Variants in GK5 observed in about 807,000 individuals in gnomAD.
GK5 encodes the protein ATP:glycerol 3-phosphotransferase 5.
Under a neutral mutation model 77.3 loss-of-function variants are expected in GK5, and 39 were observed. The ratio of observed to expected loss-of-function variants is 0.50; its 90% CI spans 0.39 to 0.66. GK5 has a LOEUF of 0.66. GK5 is among the 30% of genes least tolerant of loss of function. GK5 has a pLI of 0.00. For synonymous variants in GK5, 211 were observed against 208.0 expected, an observed-to-expected ratio of 1.01 and a Z score of -0.13; for missense variants, 487 against 633.8, an observed-to-expected ratio of 0.77 and a Z score of 2.49.
intron 6 of GK5, among the ~76,000 whole-genome samples, chr3:142,186,837 G>A (rs940347216): frequency 2.6e-5 from 4 of 151,776 alleles, no homozygotes; most frequent in Admixed American, 2.6e-4. Context: ...CTCCATGTTG[G>A]TCAGGCTGGT....
chr3:142,208,465 G>A (rs2064142990), intron 3 of GK5, among the ~76,000 whole-genome samples: 1 of 152,126 alleles, frequency 6.6e-6, no homozygotes, highest in South Asian at 2.1e-4. Context: ...ATTCATTTTT[G>A]TATATGGTAT....
At chr3:142,196,463 T>C (rs1577131801) in intron 5 of GK5, among the ~76,000 whole-genome samples, 2 of 152,186 alleles carry the variant, frequency 1.3e-5, no homozygotes, top group East Asian at 3.8e-4. Context: ...CATTTTGCTA[T>C]AAATTTCCTT....
At chr3:142,192,408 A>G (rs894942838) in intron 5 of GK5, among the ~76,000 whole-genome samples, 30 of 152,242 alleles carry the variant, frequency 2.0e-4, no homozygotes, top group African/African-American at 5.8e-4. Flanking sequence ...TGCACCCAAA[A>G]GTGTATAGCA....
intron 5 of GK5, among the ~76,000 whole-genome samples, chr3:142,188,377 A>C (rs1006968301): frequency 2.0e-5 from 3 of 151,694 alleles, no homozygotes; most frequent in African/African-American, 7.3e-5. Context: ...TAAAATATAC[A>C]AAAAAAAATT....
intron 15 of GK5, among the ~76,000 whole-genome samples, chr3:142,166,731 C>T (rs922244100): frequency 6.6e-6 from 1 of 152,246 alleles, no homozygotes; most frequent in Middle Eastern, 3.4e-3. Context: ...GACGTGGTTT[C>T]GCCATGTTGG....
At chr3:142,185,860 T>C in intron 9 of GK5, 69 bp downstream of exon 9, 1 of 1,550,330 alleles carries the variant, frequency 6.5e-7, no homozygotes, top group Non-Finnish European at 8.7e-7. Context: ...TTAAAGCTAG[T>C]CTCAATTATT....
At chr3:142,192,173 C>T (rs1325077739) in intron 5 of GK5, among the ~76,000 whole-genome samples, 1 of 152,120 alleles carries the variant, frequency 6.6e-6, no homozygotes, top group Non-Finnish European at 1.5e-5. Context: ...CTACTACACA[C>T]CTATTAAAAT....
chr3:142,204,437 A>G, intron 4 of GK5: 1 of 497,604 alleles, frequency 2.0e-6, no homozygotes, highest in Non-Finnish European at 3.7e-6. Context: ...TCCATTTCTC[A>G]AGGACAGAAA....
chr3:142,173,216 C>G, intron 12 of GK5: 1 of 397,440 alleles, frequency 2.5e-6, no homozygotes, highest in Non-Finnish European at 5.0e-6. Flanking sequence ...AAAAAAAAAA[C>G]ACCACTACAC....
intron 5 of GK5, among the ~76,000 whole-genome samples, chr3:142,189,421 C>T (rs752227131): frequency 5.9e-5 from 9 of 152,062 alleles, no homozygotes; most frequent in Non-Finnish European, 8.8e-5. Flanking sequence ...AAATATGGAG[C>T]GCCTTCAAGT....
chr3:142,202,676 C>T (rs913096959), intron 4 of GK5, among the ~76,000 whole-genome samples: 1 of 152,112 alleles, frequency 6.6e-6, no homozygotes, highest in Admixed American at 6.6e-5. Flanking sequence ...AAATTTGAGG[C>T]TTAGGCATGG....
At chr3:142,214,644 G>C (rs886315709) in intron 2 of GK5, among the ~76,000 whole-genome samples, 1 of 152,188 alleles carries the variant, frequency 6.6e-6, no homozygotes, top group Non-Finnish European at 1.5e-5. Context: ...ATGTGCTCTA[G>C]ATGAAAGGAG....
chr3:142,207,425 TG>T (rs1435805359), intron 3 of GK5, among the ~76,000 whole-genome samples: 1 of 152,228 alleles, frequency 6.6e-6, no homozygotes, highest in Non-Finnish European at 1.5e-5. Flanking sequence ...ATCAATATCT[TG>T]CTAATCATAG....
At chr3:142,217,795 G>A (rs1170110063) in intron 1 of GK5, among the ~76,000 whole-genome samples, 1 of 152,078 alleles carries the variant, frequency 6.6e-6, no homozygotes, top group Admixed American at 6.5e-5. Context: ...TTAAATGACC[G>A]TGGATTTCTC....
intron 3 of GK5, among the ~76,000 whole-genome samples, chr3:142,209,633 T>G (rs1452657589): frequency 6.6e-6 from 1 of 152,238 alleles, no homozygotes; most frequent in African/African-American, 2.4e-5. Flanking sequence ...ATATTTTAAG[T>G]CATAAGTATT....
intron 15 of GK5, among the ~76,000 whole-genome samples, chr3:142,168,679 T>C (rs539853794): frequency 1.1e-3 from 162 of 152,224 alleles, no homozygotes; most frequent in African/African-American, 3.8e-3. Flanking sequence ...ATCTTTTCAC[T>C]AATTGTCAAA....
intron 3 of GK5, among the ~76,000 whole-genome samples, chr3:142,212,587 T>C (rs1005862235): frequency 3.3e-5 from 5 of 152,010 alleles, no homozygotes; most frequent in South Asian, 2.1e-4. Context: ...AATATGGGGA[T>C]AGTATAAAGA....
Position 142,187,755 on chromosome 3 carries a change from TTTC to T in GK5, c.565_567del (p.Glu189del). The T allele has an allele frequency of 1.2e-6, 2 of 1,612,624 alleles. No homozygotes were observed. Among genetic ancestry groups the T allele is most frequent in the Non-Finnish European group, 1.7e-6 (2 of 1,179,616 alleles). On this transcript the variant is annotated inframe_deletion, in exon 6 of 16. Transcript: ENST00000392993. ...GTATCAATAGTCCCAAAGCAGCAATTTTCTTCTTCAACTGCCTTTTGCACCTTG... is the reference window on the plus strand; with the variant it reads ...GTATCAATAGTCCCAAAGCAGCAATTTTCTTCAACTGCCTTTTGCACCTTG...
At chr3:142,200,807 C>T (rs2064010339) in intron 4 of GK5, among the ~76,000 whole-genome samples, 1 of 152,138 alleles carries the variant, frequency 6.6e-6, no homozygotes, top group South Asian at 2.1e-4. Context: ...TACTGAGTAA[C>T]TTATAGCATA....
Sources: allele counts gnomAD v4.1 joint callset (sites outside exome capture counted in the v4.1 genomes callset), GRCh38; gene constraint gnomAD v4.1.1; transcripts MANE v1.5; gene names NCBI Gene and HGNC (gene_info 2026-07-23, HGNC 2026-07-21).